DCC: variants seen among roughly 807,000 people sequenced by gnomAD.
DCC encodes the protein netrin receptor DCC.
A neutral mutation model predicts 172.5 loss-of-function variants in DCC; 58 were observed. The ratio of observed to expected loss-of-function variants is 0.34; its 90% CI spans 0.27 to 0.42. The LOEUF is 0.42. Among genes scored for constraint, DCC ranks in the 10% least tolerant of loss-of-function variants. DCC has a pLI of 1.00. For missense variants in DCC, 1,740 were observed against 1,791.0 expected, an observed-to-expected ratio of 0.97 and a Z score of 0.51; for synonymous variants, 709 against 644.5, an observed-to-expected ratio of 1.10 and a Z score of -1.52.
intron 4 of DCC, among the ~76,000 whole-genome samples, chr18:52,924,713 C>T (rs2040175154): frequency 6.6e-6 from 1 of 151,906 alleles, no homozygotes; most frequent in South Asian, 2.1e-4. Flanking sequence ...ATTTAGATAA[C>T]AACAAGGCAT....
chr18:52,987,014 G>T (rs757796265), intron 5 of DCC, among the ~76,000 whole-genome samples: 2 of 152,048 alleles, frequency 1.3e-5, no homozygotes, highest in Non-Finnish European at 2.9e-5. Context: ...AGTAGAGAAG[G>T]CTTCACCATG....
At chr18:52,581,686 A>AT (rs946623780) in intron 1 of DCC, among the ~76,000 whole-genome samples, 18 of 151,560 alleles carry the variant, frequency 1.2e-4, no homozygotes, top group South Asian at 1.0e-3. Flanking sequence ...TCACCCCTTC[A>AT]TTTTTTTTAG....
intron 1 of DCC, among the ~76,000 whole-genome samples, chr18:52,583,925 C>A (rs1007616755): frequency 2.6e-5 from 4 of 152,168 alleles, no homozygotes; most frequent in African/African-American, 9.7e-5. Flanking sequence ...CTCATCTCCG[C>A]ATTATTCTCT....
intron 12 of DCC, among the ~76,000 whole-genome samples, chr18:53,239,227 GAA>G (rs533743206): frequency 7.9e-6 from 1 of 126,668 alleles, no homozygotes; most frequent in East Asian, 2.4e-4. Context: ...AAATAAAAAT[GAA>G]AAAAAAAAAA....
intron 26 of DCC, among the ~76,000 whole-genome samples, chr18:53,497,433 G>A (rs1205587247): frequency 6.6e-6 from 1 of 152,204 alleles, no homozygotes; most frequent in East Asian, 1.9e-4. Context: ...CCCACATTAA[G>A]GTAAACTTTC....
At chr18:52,940,468 G>A (rs1280320853) in intron 5 of DCC, among the ~76,000 whole-genome samples, 2 of 152,122 alleles carry the variant, frequency 1.3e-5, no homozygotes, top group African/African-American at 4.8e-5. Flanking sequence ...TAGAACAAAA[G>A]TAGCTCCACC....
At chr18:53,081,317 G>A (rs2042798201) in intron 7 of DCC, among the ~76,000 whole-genome samples, 1 of 151,870 alleles carries the variant, frequency 6.6e-6, no homozygotes, top group Admixed American at 6.6e-5. Context: ...GGTTTGAATG[G>A]CCTACTTCTA....
chr18:53,279,334 C>T (rs2056841072), intron 12 of DCC, among the ~76,000 whole-genome samples: 1 of 151,888 alleles, frequency 6.6e-6, no homozygotes, highest in African/African-American at 2.4e-5. Flanking sequence ...ATGATGAGTT[C>T]ATGTCCTTTG....
chr18:52,489,089 C>T (rs142085651), intron 1 of DCC, among the ~76,000 whole-genome samples: 97 of 152,162 alleles, frequency 6.4e-4, no homozygotes, highest in African/African-American at 2.2e-3. Flanking sequence ...GTTTCTCAAA[C>T]ATTAATGTGA....
chr18:52,459,152 T>A (rs1988550236), intron 1 of DCC, among the ~76,000 whole-genome samples: 1 of 152,172 alleles, frequency 6.6e-6, no homozygotes, highest in Admixed American at 6.5e-5. Context: ...CATCATCAAC[T>A]TACCCTTTAT....
intron 1 of DCC, among the ~76,000 whole-genome samples, chr18:52,685,768 C>A (rs913256056): frequency 6.6e-6 from 1 of 152,046 alleles, no homozygotes; most frequent in African/African-American, 2.4e-5. Flanking sequence ...TTTCAAATCA[C>A]GATCTGATAA....
intron 12 of DCC, among the ~76,000 whole-genome samples, chr18:53,252,287 C>T (rs1414682164): frequency 6.6e-6 from 1 of 151,694 alleles, no homozygotes; most frequent in Non-Finnish European, 1.5e-5. Flanking sequence ...ATCTACAATA[C>T]AGAGACAGAA....
At chr18:52,417,727 T>A (rs560908610) in intron 1 of DCC, among the ~76,000 whole-genome samples, 93 of 152,328 alleles carry the variant, frequency 6.1e-4, no homozygotes, top group Admixed American at 6.0e-3. Flanking sequence ...CTCCATCAGC[T>A]CCTTTAAGCA....
intron 5 of DCC, among the ~76,000 whole-genome samples, chr18:52,973,946 A>G (rs533943446): frequency 6.6e-6 from 1 of 152,234 alleles, no homozygotes; most frequent in African/African-American, 2.4e-5. Flanking sequence ...GGGCACACTC[A>G]TGTCCTGTTG....
chr18:53,343,077 T>TTA (rs1467639152), intron 15 of DCC, among the ~76,000 whole-genome samples: 39 of 151,692 alleles, frequency 2.6e-4, no homozygotes, highest in African/African-American at 8.0e-4. Flanking sequence ...TTTTTTAGAT[T>TTA]ATCTAAAATT....
chr18:52,944,686 C>A (rs1445965992), intron 5 of DCC, among the ~76,000 whole-genome samples: 1 of 152,174 alleles, frequency 6.6e-6, no homozygotes, highest in Non-Finnish European at 1.5e-5. Context: ...CTTCCCCCTT[C>A]TACCCCAGAG....
chr18:53,230,878 T>C (rs1369274444), intron 12 of DCC, among the ~76,000 whole-genome samples: 1 of 152,074 alleles, frequency 6.6e-6, no homozygotes, highest in Admixed American at 6.6e-5. Flanking sequence ...TGGAAATATG[T>C]ATGTGAAGGA....
chr18:52,883,476 G>C (rs891702219), intron 2 of DCC, among the ~76,000 whole-genome samples: 10 of 150,642 alleles, frequency 6.6e-5, no homozygotes, highest in East Asian at 2.0e-4. Flanking sequence ...TGTTTCCACT[G>C]TATATTTTTC....
At chr18:53,031,857 T>G (rs2042030125) in intron 5 of DCC, among the ~76,000 whole-genome samples, 1 of 151,912 alleles carries the variant, frequency 6.6e-6, no homozygotes, top group Non-Finnish European at 1.5e-5. Flanking sequence ...GATGTGGGAG[T>G]GTGTATGTGT....
Sources: gnomAD v4.1 joint callset for allele counts (sites outside exome capture counted in the v4.1 genomes callset) on GRCh38, gnomAD v4.1.1 for gene constraint, MANE v1.5 for transcripts, NCBI Gene and HGNC (gene_info 2026-07-23, HGNC 2026-07-21) for gene names.